Variants in HS6ST3 observed in about 807,000 individuals in gnomAD.
HS6ST3 encodes the protein heparan-sulfate 6-O-sulfotransferase 3.
HS6ST3 carries 12 observed loss-of-function variants against 36.7 expected under a neutral mutation model. The observed-to-expected ratio is 0.33, with a 90% CI of 0.21 to 0.53. HS6ST3 has a LOEUF of 0.53. Ranked by LOEUF, HS6ST3 falls within the 20% of genes least tolerant of loss-of-function variation. The pLI is 0.95. For synonymous variants in HS6ST3, 240 were observed against 257.5 expected, an observed-to-expected ratio of 0.93 and a Z score of 0.65; for missense variants, 584 against 640.9, an observed-to-expected ratio of 0.91 and a Z score of 0.96.
At chr13:96,435,734 G>C (rs1269156439) in intron 1 of HS6ST3, among the ~76,000 whole-genome samples, 1 of 152,014 alleles carries the variant, frequency 6.6e-6, no homozygotes, top group Non-Finnish European at 1.5e-5. Context: ...AAACTCTAGT[G>C]TGATCTTTAA....
intron 1 of HS6ST3, among the ~76,000 whole-genome samples, chr13:96,791,211 T>C (rs927756810): frequency 6.6e-6 from 1 of 152,100 alleles, no homozygotes; most frequent in African/African-American, 2.4e-5. Context: ...GACGAACCTC[T>C]ATTACATTGG....
rs925666426 is a variant in HS6ST3 at position 96,837,747 on chromosome 13, C to T, written c.*4549C>T. ...TCAAACACTTCTAGCAGGTTGTCTA[C>T]TCCATCCAACTCAAAACCTATTCAA... On this transcript the variant is annotated 3_prime_UTR_variant, in exon 2 of 2. Coordinates refer to ENST00000376705, the MANE Select transcript of HS6ST3 (RefSeq NM_153456.4). 11 of 151,840 alleles carry T rather than the reference C, an allele frequency of 7.2e-5. No homozygotes were observed. Among genetic ancestry groups the T allele is most frequent in the Non-Finnish European group, 1.5e-5 (1 of 68,014 alleles). The allele number at this position is 151,840 out of a possible 1,614,324, so 9.4% of individuals were successfully genotyped here. A position where few individuals can be genotyped will look rare whatever the true frequency, so the allele number is the denominator to read the frequency against.
At position 96,835,894 on chromosome 13, in the gene HS6ST3, T is replaced by C. The variant is rs1878915576; in HGVS notation, c.*2696T>C. ...GGATGTTCAGAGGGAGCCAGCTCTT[T>C]ATGTTGGCCCCAGGCCAGTACTAAG... On this transcript the variant is annotated 3_prime_UTR_variant, in exon 2 of 2. Transcript: ENST00000376705. The C allele has an allele frequency of 6.6e-6, 1 of 152,182 alleles. No individual in the cohort carries two copies. The highest frequency in any genetic ancestry group is 6.5e-5 in the Admixed American group (1 of 15,280). 9.4% of individuals were successfully genotyped at this position (152,182 alleles called of 1,614,324 possible). A position where few individuals can be genotyped will look rare whatever the true frequency, so the allele number is the denominator to read the frequency against.
chr13:96,756,636 A>T lies in HS6ST3; in HGVS notation c.708-75854A>T, dbSNP rs562088522. 3.9e-5 allele frequency among the ~76,000 whole-genome samples: 6 copies of T among 152,364 alleles called. No individual in the cohort carries two copies. In the South Asian group the frequency reaches 1.0e-3, roughly 26 times the overall value. On this transcript the variant is annotated intron_variant, in intron 1 of 1. Coordinates refer to ENST00000376705, the MANE Select transcript of HS6ST3 (RefSeq NM_153456.4). ...AAAGAAAGTCTTTCAATGCATAAGC[A>T]TAGTGTATAATATTTAAAATTTGTC...
chr13:96,710,374 A>G (rs1875531737), intron 1 of HS6ST3, among the ~76,000 whole-genome samples: 1 of 152,224 alleles, frequency 6.6e-6, no homozygotes, highest in African/African-American at 2.4e-5. Flanking sequence ...TCATGCCTGC[A>G]TCCCACACCC....
chr13:96,833,684 AC>A lies in HS6ST3; in HGVS notation c.*491del, dbSNP rs1878859915. On this transcript the variant is annotated 3_prime_UTR_variant, in exon 2 of 2. Transcript: ENST00000376705. ...AGCCCTTAGATGAGGTCTTACACCA[AC>A]CCCCACTTGGCTGTTGGCTGTCATC... 2 of 153,466 alleles carry A rather than the reference AC, an allele frequency of 1.3e-5. No individual in the cohort carries two copies. Among genetic ancestry groups the A allele is most frequent in the South Asian group, 4.1e-4 (2 of 4,860 alleles). The allele number at this position is 153,466 out of a possible 1,614,324, so 9.5% of individuals were successfully genotyped here.
intron 1 of HS6ST3, among the ~76,000 whole-genome samples, chr13:96,412,311 T>A (rs964293334): frequency 6.6e-6 from 1 of 152,138 alleles, no homozygotes; most frequent in African/African-American, 2.4e-5. Context: ...CCGTGCCTGA[T>A]ATTTCTAAGA....
At chr13:96,658,368 C>T (rs1161241648) in intron 1 of HS6ST3, among the ~76,000 whole-genome samples, 1 of 146,488 alleles carries the variant, frequency 6.8e-6, no homozygotes, top group Non-Finnish European at 1.5e-5. Flanking sequence ...GCAACCTCTG[C>T]CTCCTGGGTT....
intron 1 of HS6ST3, among the ~76,000 whole-genome samples, chr13:96,547,639 T>C (rs979222217): frequency 6.6e-6 from 1 of 152,138 alleles, no homozygotes; most frequent in African/African-American, 2.4e-5. Flanking sequence ...TGCAGAACAT[T>C]TAAATTAATT....
intron 1 of HS6ST3, among the ~76,000 whole-genome samples, chr13:96,287,616 C>T (rs545597084): frequency 1.3e-5 from 2 of 151,926 alleles, no homozygotes; most frequent in South Asian, 4.2e-4. Flanking sequence ...ATTTTTTATC[C>T]CCAGTTCATA....
chr13:96,661,341 A>G (rs1042124776), intron 1 of HS6ST3, among the ~76,000 whole-genome samples: 21 of 152,114 alleles, frequency 1.4e-4, no homozygotes, highest in Middle Eastern at 3.4e-3. Context: ...ATGTATTTTG[A>G]TGATTGTTAC....
intron 1 of HS6ST3, among the ~76,000 whole-genome samples, chr13:96,247,363 G>A (rs897419142): frequency 1.3e-5 from 2 of 152,070 alleles, no homozygotes; most frequent in Non-Finnish European, 2.9e-5. Context: ...TCAAGGGAGG[G>A]ACCTTGTGGG....
At chr13:96,626,254 A>G (rs976343856) in intron 1 of HS6ST3, among the ~76,000 whole-genome samples, 3 of 152,178 alleles carry the variant, frequency 2.0e-5, no homozygotes, top group African/African-American at 7.2e-5. Context: ...TTCTATAAAA[A>G]TATTCTCCTA....
chr13:96,408,070 G>T (rs2055488025), intron 1 of HS6ST3, among the ~76,000 whole-genome samples: 1 of 152,108 alleles, frequency 6.6e-6, no homozygotes, highest in South Asian at 2.1e-4. Context: ...CTCCCGAGTA[G>T]CTGGGACTAT....
intron 1 of HS6ST3, among the ~76,000 whole-genome samples, chr13:96,272,669 TATTTA>T (rs1400072252): frequency 6.6e-6 from 1 of 152,044 alleles, no homozygotes; most frequent in Non-Finnish European, 1.5e-5. Context: ...GCATTGTGCT[TATTTA>T]ATTAAAGTCA....
At chr13:96,656,994 T>TGAGA (rs1383073942) in intron 1 of HS6ST3, among the ~76,000 whole-genome samples, 126 of 135,476 alleles carry the variant, frequency 9.3e-4, no homozygotes, top group African/African-American at 3.2e-3. Flanking sequence ...TGTGTGTGTG[T>TGAGA]GTGTGAGAGA....
At chr13:96,251,038 G>T (rs1049334476) in intron 1 of HS6ST3, among the ~76,000 whole-genome samples, 1 of 152,134 alleles carries the variant, frequency 6.6e-6, no homozygotes, top group Non-Finnish European at 1.5e-5. Flanking sequence ...AAAAGATACT[G>T]ACCTGTAATT....
At chr13:96,166,862 G>A (rs1269831826) in intron 1 of HS6ST3, among the ~76,000 whole-genome samples, 2 of 152,074 alleles carry the variant, frequency 1.3e-5, no homozygotes, top group African/African-American at 4.8e-5. Flanking sequence ...GGTGGTTTCT[G>A]CCATGCTGTT....
intron 1 of HS6ST3, among the ~76,000 whole-genome samples, chr13:96,389,830 G>C (rs1157737376): frequency 6.6e-6 from 1 of 152,148 alleles, no homozygotes; most frequent in African/African-American, 2.4e-5. Flanking sequence ...TCAAAATGGA[G>C]CTCTGGTTTT....
Sources: allele counts gnomAD v4.1 joint callset (sites outside exome capture counted in the v4.1 genomes callset), GRCh38; gene constraint gnomAD v4.1.1; transcripts MANE v1.5; gene names NCBI Gene and HGNC (gene_info 2026-07-23, HGNC 2026-07-21).